The following GTPBP6 variants were observed in gnomAD, a reference collection of about 807,000 sequenced individuals.
GTPBP6 encodes the protein GTP binding protein 6.
A neutral mutation model predicts 28.9 loss-of-function variants in GTPBP6; 33 were observed. The ratio of observed to expected loss-of-function variants is 1.14; its 90% CI spans 0.87 to 1.53. GTPBP6 has a LOEUF of 1.53. Among genes scored for constraint, GTPBP6 ranks in the 40% most tolerant of loss-of-function variants. The pLI is 0.00. For synonymous variants in GTPBP6, 231 were observed against 192.7 expected (o/e 1.20, Z -1.65); for missense variants, 507 against 408.3 (o/e 1.24, Z -2.08).
chrX:318,287 TC>T (rs1229083271), intron 1 of GTPBP6, among the ~76,000 whole-genome samples, 151 bp downstream of exon 1: 1 of 139,700 alleles, frequency 7.2e-6, no homozygotes, highest in East Asian at 2.2e-4. Context: ...TATGAGATTC[TC>T]CCCACAGAAC....
exon 6 of GTPBP6, chrX:312,886 C>G (rs780708444): frequency 2.5e-6 from 4 of 1,612,838 alleles, no homozygotes; most frequent in South Asian, 1.1e-5. Flanking sequence ...GCCTCCTTCT[C>G]TCTCAGGAGA....
chrX:314,302 G>C (rs2070383082), intron 4 of GTPBP6, 85 bp from the exon 5 acceptor site: 1 of 1,133,928 alleles, frequency 8.8e-7, no homozygotes, highest in Admixed American at 1.8e-5. Flanking sequence ...AGGGGGCACT[G>C]AGCTGGGCCT....
At chrX:316,126 G>GAC (rs1233728366) in intron 2 of GTPBP6, among the ~76,000 whole-genome samples, 1 of 32,182 alleles carries the variant, frequency 3.1e-5, no homozygotes, top group Admixed American at 3.0e-4. Context: ...TACACACGCA[G>GAC]ACACACACAC....
exon 1 of GTPBP6, chrX:318,497 G>A (rs1313987403): frequency 2.0e-5 from 8 of 398,238 alleles, no homozygotes; most frequent in Admixed American, 4.4e-5. Flanking sequence ...CCAGACACAC[G>A]CGCTGGGTCC....
intron 5 of GTPBP6, among the ~76,000 whole-genome samples, chrX:313,840 G>A (rs1167876757): frequency 6.6e-6 from 1 of 152,174 alleles, no homozygotes; most frequent in Non-Finnish European, 1.5e-5. Flanking sequence ...GAGTTTTGGT[G>A]TCCAGGAGGG....
At chrX:313,902 G>T (rs775459710) in intron 5 of GTPBP6, among the ~76,000 whole-genome samples, 1 of 145,358 alleles carries the variant, frequency 6.9e-6, no homozygotes, top group African/African-American at 2.5e-5. Context: ...TACTGATTTA[G>T]GCAAAACCTC....
chrX:308,037 G>C (rs1307361108), intron 7 of GTPBP6, among the ~76,000 whole-genome samples, 157 bp from the exon 8 acceptor site: 1 of 151,900 alleles, frequency 6.6e-6, no homozygotes, highest in Non-Finnish European at 1.5e-5. Flanking sequence ...CCCAGGACGG[G>C]GGCTCCTAGA....
Position 314,880 on chromosome X carries a change from C to T in GTPBP6, c.689+10G>A, listed in dbSNP as rs1393992619. ...GTGACGCTCGGCGCGGCCCAGGGGC[C>T]CCACGATACCTGTGCAGCGGCATCT... On this transcript the variant is annotated intron_variant, in intron 4 of 9. Coordinates refer to ENST00000326153, the Ensembl canonical transcript of GTPBP6. 3 of 398,998 alleles carry T rather than the reference C, an allele frequency of 7.5e-6. No homozygotes were observed. Among genetic ancestry groups the T allele is most frequent in the African/African-American group, 6.2e-5 (3 of 48,630 alleles). The allele number at this position is 398,998 out of a possible 1,614,324, so 24.7% of individuals were successfully genotyped here.
rs747354457 is a variant in GTPBP6, at chrX:307,374, T to C, written c.1413A>G (p.Ala471=). The stretch of plus-strand genomic sequence containing the variant: ...AGGCCGCTCACCTGAGCTGCGCCCC[T>C]GCGAGCCTCACACGGAGAGTGAGGA... The change falls in exon 9 of 10, where the codon GCA becomes GCG. Residue 471 remains alanine, a synonymous_variant. Coordinates refer to ENST00000326153, the Ensembl canonical transcript of GTPBP6. 6.2e-6 allele frequency: 10 copies of C among 1,612,278 alleles called. No homozygotes were observed. In the Admixed American group the frequency reaches 1.5e-4, roughly 24 times the overall value.
chrX:306,138 A>G (rs1001798100), intron 9 of GTPBP6, among the ~76,000 whole-genome samples: 11 of 152,068 alleles, frequency 7.2e-5, no homozygotes, highest in African/African-American at 2.7e-4. Flanking sequence ...TGTTGTGCGC[A>G]CAGTCAGAAA....
intron 1 of GTPBP6, among the ~76,000 whole-genome samples, chrX:317,365 G>A (rs1372449522): frequency 6.6e-6 from 1 of 152,052 alleles, no homozygotes; most frequent in Admixed American, 6.6e-5. Flanking sequence ...CGGCAGGTTT[G>A]GGGAGTAGAG....
At chrX:312,812 C>T (rs368301170) in exon 6 of GTPBP6, 207 of 1,612,520 alleles carry the variant, frequency 1.3e-4, no homozygotes, top group Middle Eastern at 7.6e-4. Context: ...ACTCCCGCCT[C>T]GTCCGCTGCC....
rs188614221 is a variant in GTPBP6 at position 312,665 on chromosome X, C to T, written c.916+101G>A. The T allele has an allele frequency of 1.4e-3, 1,674 of 1,230,248 alleles. 4 individuals carry two copies. The highest frequency in any genetic ancestry group is 1.7e-3 in the Non-Finnish European group (1,417 of 846,760). 76.2% of individuals were successfully genotyped at this position (1,230,248 alleles called of 1,614,324 possible). ...GCACGTGCTCACCGCAGCTGTCGTA[C>T]GGCACCACTGAGACGACAGGGACCC... On this transcript the variant is annotated intron_variant, in intron 6 of 9. Coordinates refer to ENST00000326153, the Ensembl canonical transcript of GTPBP6.
chrX:318,200 A>G (rs2070475864), intron 1 of GTPBP6, among the ~76,000 whole-genome samples: 2 of 144,418 alleles, frequency 1.4e-5, no homozygotes, highest in Non-Finnish European at 3.0e-5. Context: ...ATCGCCAGCT[A>G]TGATTCTCCC....
In GTPBP6 at chrX:314,334, C is replaced by T. The variant is rs1295970241; in HGVS notation, c.690-117G>A. 1.1e-5 allele frequency: 9 copies of T among 833,026 alleles called. No homozygotes were observed. In the African/African-American group the frequency reaches 1.2e-4, roughly 11 times the overall value. 51.6% of individuals were successfully genotyped at this position (833,026 alleles called of 1,614,324 possible). A position where few individuals can be genotyped will look rare whatever the true frequency, so the allele number is the denominator to read the frequency against. On this transcript the variant is annotated intron_variant, in intron 4 of 9. Transcript: ENST00000326153. ...GCCTCTGGGCCGAAGGGAGGAGCCG[C>T]TGTTGCGGCCCCGCTCCGCGTGTAG...
intron 5 of GTPBP6, 94 bp downstream of exon 5, chrX:314,056 A>C: frequency 1.0e-6 from 1 of 968,674 alleles, no homozygotes; most frequent in African/African-American, 1.6e-5. Flanking sequence ...GCTGGACCCC[A>C]CCCTGTTGGA....
chrX:314,509 G>A (rs1032122765), intron 4 of GTPBP6, among the ~76,000 whole-genome samples: 121 of 148,714 alleles, frequency 8.1e-4, no homozygotes, highest in Non-Finnish European at 1.4e-3. Flanking sequence ...GTCTCGCTCT[G>A]TCACCCAGGC....
At chrX:305,919 T>C (rs904992024) in intron 9 of GTPBP6, among the ~76,000 whole-genome samples, 1 of 152,066 alleles carries the variant, frequency 6.6e-6, no homozygotes, top group Non-Finnish European at 1.5e-5. Flanking sequence ...CCACCCCACC[T>C]GGGGTGGTAA....
In GTPBP6 at chrX:312,498, C is replaced by T. The variant is rs188852100; in HGVS notation, c.916+268G>A. On this transcript the variant is annotated intron_variant, in intron 6 of 9. Transcript: ENST00000326153. Reference sequence around the variant, plus strand: ...GTGGTATAGACAGGGTGGTAAAGCTCTGGATGGGAGGATGGGGTAGATGAC... The same window carrying T: ...GTGGTATAGACAGGGTGGTAAAGCTTTGGATGGGAGGATGGGGTAGATGAC... 1,220 of 668,038 alleles carry T rather than the reference C, an allele frequency of 1.8e-3. 22 individuals carry two copies. In the East Asian group the frequency reaches 0.031, roughly 17 times the overall value. 41.4% of individuals were successfully genotyped at this position (668,038 alleles called of 1,614,324 possible).
Sources: gnomAD v4.1 joint callset for allele counts (sites outside exome capture counted in the v4.1 genomes callset) on GRCh38, gnomAD v4.1.1 for gene constraint, MANE v1.5 for transcripts, NCBI Gene and HGNC (gene_info 2026-07-23, HGNC 2026-07-21) for gene names.